Variants in PDE4DIP observed in about 807,000 individuals in gnomAD.
PDE4DIP encodes phosphodiesterase 4D interacting protein.
Under a neutral mutation model 221.4 loss-of-function variants are expected in PDE4DIP, and 59 were observed. The observed-to-expected ratio is 0.27, with a 90% CI of 0.22 to 0.33. PDE4DIP has a LOEUF of 0.33. PDE4DIP is among the 10% of genes least tolerant of loss of function. The pLI is 1.00. For missense variants in PDE4DIP, 1,036 were observed against 2,154.2 expected (o/e 0.48, Z 10.28); for synonymous variants, 404 against 815.9 (o/e 0.50, Z 8.60).
At chr1:148,981,193 G>A (rs587724964) in intron 20 of PDE4DIP, 77 bp from the exon 24 acceptor site, 2 of 1,391,602 alleles carry the variant, frequency 1.4e-6, no homozygotes, top group Admixed American at 3.4e-5. Flanking sequence ...TGGTATTGAT[G>A]GTTCTTTGGA....
In PDE4DIP at chr1:148,933,022, C is replaced by T. The variant is rs2489086; in HGVS notation, c.518+734C>T. Among the ~76,000 whole-genome samples the T allele has an allele frequency of 1.6e-3, 212 of 133,284 alleles. 1 individual carries two copies. The highest frequency in any genetic ancestry group is 2.6e-3 in the East Asian group (11 of 4,166). 87.4% of individuals were successfully genotyped at this position (133,284 alleles called of 152,430 possible). On this transcript the variant is annotated intron_variant, in intron 4 of 43. Transcript: ENST00000369354. ...CACCAGACATTGAACCTGTCAGTGACTTGATCTAGGACTTCCCAGCCTCCA... is the reference window on the plus strand; with the variant it reads ...CACCAGACATTGAACCTGTCAGTGATTTGATCTAGGACTTCCCAGCCTCCA...
At chr1:148,985,279 A>G (rs1219642940) in intron 21 of PDE4DIP, 4 of 152,126 alleles carry the variant, frequency 2.6e-5, no homozygotes, top group African/African-American at 9.7e-5. Flanking sequence ...CAATACAGTA[A>G]TAAACAGAAG....
At chr1:148,972,675 C>T (rs1194544128) in intron 16 of PDE4DIP, 83 bp downstream of exon 19, 204 of 476,782 alleles carry the variant, frequency 4.3e-4, no homozygotes, top group East Asian at 1.2e-3. Context: ...ATAGGTTTGG[C>T]CAAGACTCTT....
At chr1:148,965,202 A>G (rs1258636650) in intron 9 of PDE4DIP, among the ~76,000 whole-genome samples, 1 of 150,610 alleles carries the variant, frequency 6.6e-6, no homozygotes, top group Non-Finnish European at 1.5e-5. Context: ...ATCCAGGTTT[A>G]CCGTAGGACA....
At chr1:148,890,702 A>G (rs1202225694) in intron 1 of PDE4DIP, among the ~76,000 whole-genome samples, 1 of 90,696 alleles carries the variant, frequency 1.1e-5, no homozygotes, top group African/African-American at 5.2e-5. Flanking sequence ...TTGCGGTGAG[A>G]CGGGATTGCG....
chr1:148,998,740 T>C (rs2064905264), intron 23 of PDE4DIP, among the ~76,000 whole-genome samples: 1 of 145,470 alleles, frequency 6.9e-6, no homozygotes, highest in Non-Finnish European at 1.5e-5. Flanking sequence ...GGAATTTTTT[T>C]TTTTTTTTTT....
At chr1:148,913,619 A>G (rs1573245823) in intron 1 of PDE4DIP, among the ~76,000 whole-genome samples, 3 of 144,596 alleles carry the variant, frequency 2.1e-5, no homozygotes, top group Non-Finnish European at 4.6e-5. Context: ...AGTAGACACC[A>G]GGAGGACTCT....
exon 21 of PDE4DIP, chr1:148,981,395 G>T: frequency 6.2e-7 from 1 of 1,614,026 alleles, no homozygotes; most frequent in Non-Finnish European, 8.5e-7. Context: ...GCCGCCATTG[G>T]AGGTGGGGAA....
intron 43 of PDE4DIP, chr1:149,030,845 A>G (rs1404426947): frequency 2.1e-6 from 2 of 940,434 alleles, no homozygotes; most frequent in African/African-American, 1.8e-5. Flanking sequence ...ACCTTCAGGG[A>G]AAAAATGTTA....
At chr1:148,990,167 A>G in intron 21 of PDE4DIP, 1 of 971,308 alleles carries the variant, frequency 1.0e-6, no homozygotes, top group Non-Finnish European at 1.2e-6. Flanking sequence ...GGCCATTGCA[A>G]ATATATAGAT....
chr1:149,015,366 T>C (rs1417342481), intron 32 of PDE4DIP, among the ~76,000 whole-genome samples: 1 of 152,026 alleles, frequency 6.6e-6, no homozygotes, highest in Non-Finnish European at 1.5e-5. Context: ...TCCAAGGAGT[T>C]TGGCTTGGAT....
rs77368953 is a variant in PDE4DIP at position 149,031,195 on chromosome 1, C to G, written c.7000-749C>G. The G allele has an allele frequency of 8.3e-6, 8 of 969,224 alleles. No homozygotes were observed. In the South Asian group the frequency reaches 1.9e-4, roughly 23 times the overall value. 60.0% of individuals were successfully genotyped at this position (969,224 alleles called of 1,614,324 possible). A position where few individuals can be genotyped will look rare whatever the true frequency, so the allele number is the denominator to read the frequency against. The stretch of plus-strand genomic sequence containing the variant: ...TAGAGCAGCACTTACAGGATTGCCT[C>G]TGTAAAGCCTTATTCCTGTCCCAGA... On this transcript the variant is annotated intron_variant, in intron 43 of 43. Coordinates refer to ENST00000369354, the Ensembl canonical transcript of PDE4DIP.
At chr1:148,969,121 A>G (rs2058711858) in intron 14 of PDE4DIP, 91 bp downstream of exon 17, 1 of 624,604 alleles carries the variant, frequency 1.6e-6, no homozygotes, top group South Asian at 2.4e-5. Context: ...ATGTGTGTAT[A>G]TTTATATATT....
exon 34 of PDE4DIP, chr1:149,017,832 T>C (rs2071205383): frequency 6.2e-7 from 1 of 1,613,498 alleles, no homozygotes; most frequent in African/African-American, 1.3e-5. Flanking sequence ...AATGACCGCC[T>C]ACGGGAGCAA....
chr1:148,821,011 C>CT lies in PDE4DIP; in HGVS notation c.233+12274_233+12275insT, dbSNP rs1571332703. On this transcript the variant is annotated intron_variant, in intron 1 of 45. Coordinates refer to the PDE4DIP transcript ENST00000524974. ...GGATTACAGGCACCCAATACCTCGC[C>CT]CGGCTAATTTTTCGTATTTTCAGTA... 2.5e-4 allele frequency among the ~76,000 whole-genome samples: 37 copies of CT among 150,328 alleles called. No individual in the cohort carries two copies. The East Asian group carries it at 6.8e-3, about 28-fold the overall frequency.
intron 34 of PDE4DIP, 123 bp downstream of exon 37, chr1:149,018,002 C>G (rs2071284282): frequency 1.3e-6 from 1 of 764,268 alleles, no homozygotes; most frequent in Non-Finnish European, 2.2e-6. Flanking sequence ...TGGGCAAGTA[C>G]TGTCATCCCT....
At chr1:148,933,589 C>T (rs1163176215) in intron 4 of PDE4DIP, among the ~76,000 whole-genome samples, 4 of 152,240 alleles carry the variant, frequency 2.6e-5, no homozygotes, top group Non-Finnish European at 5.9e-5. Flanking sequence ...AATAATTTAG[C>T]CTCTTAGGTG....
chr1:149,032,365 T>C (rs2152839311), exon 44 of PDE4DIP: 1 of 524,022 alleles, frequency 1.9e-6, no homozygotes, highest in South Asian at 2.2e-5. Flanking sequence ...ACTCAGTGAA[T>C]ATAGGACCCT....
At chr1:148,930,722 A>G (rs1178123173) in intron 2 of PDE4DIP, 1 of 150,210 alleles carries the variant, frequency 6.7e-6, no homozygotes, top group Non-Finnish European at 1.5e-5. Flanking sequence ...AAATGGAAAA[A>G]CATTCCATGC....
Sources: allele counts gnomAD v4.1 joint callset (sites outside exome capture counted in the v4.1 genomes callset), GRCh38; gene constraint gnomAD v4.1.1; transcripts MANE v1.5; gene names NCBI Gene and HGNC (gene_info 2026-07-23, HGNC 2026-07-21).